Variants in COL21A1 observed in about 807,000 individuals in gnomAD.
The protein encoded by COL21A1 is collagen type XXI alpha 1 chain, also known as collagen alpha-1(XXI) chain.
In COL21A1, 149 loss-of-function variants were observed where a neutral mutation model predicts 137.9. The ratio of observed to expected loss-of-function variants is 1.08; its 90% CI spans 0.95 to 1.24. The LOEUF (loss-of-function observed/expected upper bound fraction) is 1.24, where lower values mean the gene tolerates loss of function less well. COL21A1 is among the 50% of genes most tolerant of loss of function. The probability of loss-of-function intolerance (pLI) is 0.00; values close to 1 mark genes in which losing one functional copy is unlikely to be tolerated. For missense variants in COL21A1, 1,167 were observed against 1,158.4 expected (o/e 1.01, Z -0.11); for synonymous variants, 456 against 391.5 (o/e 1.16, Z -1.95).
intron 27 of COL21A1, 46 bp from the exon 28 acceptor site, chr6:56,060,264 T>C (rs758851875): frequency 1.4e-6 from 2 of 1,410,588 alleles, no homozygotes; most frequent in South Asian, 2.7e-5. Flanking sequence ...AAATGGTGAG[T>C]TGGTGTTAAT....
chr6:56,158,271 T>TC (rs1159367637), intron 9 of COL21A1, among the ~76,000 whole-genome samples: 1,696 of 130,698 alleles, frequency 0.013, 25 homozygotes, highest in African/African-American at 0.048. Context: ...TTTTTCTTTT[T>TC]TTTTTTTTTT....
At chr6:56,315,630 C>T (rs930454952) in intron 1 of COL21A1, among the ~76,000 whole-genome samples, 8 of 111,350 alleles carry the variant, frequency 7.2e-5, no homozygotes, top group South Asian at 5.1e-4. Context: ...CCTTCTCTTC[C>T]GCCATCCCTC....
At position 56,341,478 on chromosome 6, in the gene COL21A1, G is replaced by A. The variant is rs192482980; in HGVS notation, c.-39+52493C>T. On this transcript the variant is annotated intron_variant, in intron 1 of 28. Transcript: ENST00000370819. Reference sequence around the variant, plus strand: ...ATGAAAGTAAAGAAGCCAGTCAGAAGACCAGAAGACCACACACTCTATGAT... The same window carrying A: ...ATGAAAGTAAAGAAGCCAGTCAGAAAACCAGAAGACCACACACTCTATGAT... Among the ~76,000 whole-genome samples the A allele has an allele frequency of 3.9e-4, 60 of 152,274 alleles. 1 individual carries two copies. In the East Asian group the frequency reaches 8.1e-3, roughly 21 times the overall value.
chr6:56,075,448 T>C, intron 19 of COL21A1, 31 bp downstream of exon 19: 1 of 1,525,660 alleles, frequency 6.6e-7, no homozygotes, highest in Admixed American at 2.1e-5. Context: ...TGCAAACACT[T>C]TGATGTATGA....
intron 1 of COL21A1, among the ~76,000 whole-genome samples, chr6:56,292,399 C>CG (rs969044371): frequency 7.9e-5 from 11 of 139,968 alleles, no homozygotes; most frequent in Admixed American, 1.5e-4. Flanking sequence ...GGACCCCCCC[C>CG]CTCCCCCGCC....
chr6:56,155,968 CTAAAGTGCTT>C (rs1267518334), intron 10 of COL21A1, among the ~76,000 whole-genome samples: 23 of 152,280 alleles, frequency 1.5e-4, no homozygotes, highest in African/African-American at 5.5e-4. Flanking sequence ...AAATATTTGC[CTAAAGTGCTT>C]TAAAGTTGAT....
chr6:56,350,049 GA>G (rs1348306872), intron 1 of COL21A1, among the ~76,000 whole-genome samples: 4 of 152,162 alleles, frequency 2.6e-5, no homozygotes, highest in African/African-American at 9.7e-5. Context: ...ACCAACTCCC[GA>G]AAGTCTGCTC....
intron 1 of COL21A1, among the ~76,000 whole-genome samples, chr6:56,284,722 T>C (rs9382606): frequency 0.17 from 25,127 of 151,300 alleles, 3,610 homozygotes; most frequent in East Asian, 0.63. Flanking sequence ...CTCATTACGC[T>C]GGCAATGAGA....
chr6:56,167,089 G>A, intron 6 of COL21A1, 106 bp from the exon 7 acceptor site: 1 of 759,630 alleles, frequency 1.3e-6, no homozygotes, highest in Admixed American at 2.3e-5. Context: ...AATTGTGTAA[G>A]GTTTACATCA....
At chr6:56,260,872 G>GTGTGTGTGTGTT (rs1763254797) in intron 1 of COL21A1, among the ~76,000 whole-genome samples, 1 of 141,066 alleles carries the variant, frequency 7.1e-6, no homozygotes, top group Non-Finnish European at 1.6e-5. Context: ...GTGTGTGTGT[G>GTGTGTGTGTGTT]TGTGTATGTG....
intron 20 of COL21A1, among the ~76,000 whole-genome samples, chr6:56,073,902 A>T (rs1181574320): frequency 1.3e-5 from 2 of 151,612 alleles, no homozygotes; most frequent in East Asian, 3.9e-4. Flanking sequence ...TCTTATTCAT[A>T]ACTATGAATG....
At chr6:56,080,184 A>C (rs1767625917) in intron 17 of COL21A1, among the ~76,000 whole-genome samples, 1 of 151,792 alleles carries the variant, frequency 6.6e-6, no homozygotes, top group South Asian at 2.1e-4. Flanking sequence ...TTTATAGAGC[A>C]AATGTGTTTC....
chr6:56,145,434 A>T (rs1361313207), intron 10 of COL21A1, among the ~76,000 whole-genome samples: 1 of 152,286 alleles, frequency 6.6e-6, no homozygotes, highest in Admixed American at 6.5e-5. Context: ...GGGGAATCCT[A>T]GGGCAAAACA....
chr6:56,374,054 T>G (rs1159454808), intron 1 of COL21A1, among the ~76,000 whole-genome samples: 1 of 152,200 alleles, frequency 6.6e-6, no homozygotes, highest in Non-Finnish European at 1.5e-5. Context: ...AGTGTGTACA[T>G]CAATCCAGGA....
chr6:56,172,736 GATATAAA>G (rs1225128398), intron 3 of COL21A1, among the ~76,000 whole-genome samples: 1 of 152,042 alleles, frequency 6.6e-6, no homozygotes, highest in Non-Finnish European at 1.5e-5. Context: ...TATGTTAACA[GATATAAA>G]ATATAAAAAG....
chr6:56,386,802 A>G (rs376574576), intron 1 of COL21A1, among the ~76,000 whole-genome samples: 14 of 152,330 alleles, frequency 9.2e-5, no homozygotes, highest in African/African-American at 3.4e-4. Flanking sequence ...TCCAGATTAA[A>G]TCTGATGACC....
chr6:56,175,280 G>A lies in COL21A1; in HGVS notation c.641-4152C>T, dbSNP rs191814936. 1.8e-4 allele frequency among the ~76,000 whole-genome samples: 28 copies of A among 152,134 alleles called. No homozygotes were observed. In the East Asian group the frequency reaches 4.4e-3, roughly 24 times the overall value. ...ACCACTTCTATTCAACATTGTACTAGCCAGAGGAATTAGGCAAGAAAAGAA... is the reference window on the plus strand; with the variant it reads ...ACCACTTCTATTCAACATTGTACTAACCAGAGGAATTAGGCAAGAAAAGAA... On this transcript the variant is annotated intron_variant, in intron 3 of 29. Coordinates refer to ENST00000244728, the MANE Select transcript of COL21A1 (RefSeq NM_030820.4).
At chr6:56,219,615 CA>C (rs1377135389) in intron 1 of COL21A1, among the ~76,000 whole-genome samples, 2 of 151,956 alleles carry the variant, frequency 1.3e-5, no homozygotes, top group Non-Finnish European at 2.9e-5. Context: ...CTGTTATTAA[CA>C]AAAAAATTGC....
chr6:56,153,380 T>C (rs1331681823), intron 10 of COL21A1, among the ~76,000 whole-genome samples: 3 of 152,180 alleles, frequency 2.0e-5, no homozygotes, highest in African/African-American at 7.2e-5. Flanking sequence ...AACCTGCCTA[T>C]GGATTTTCCT....
Sources: allele counts gnomAD v4.1 joint callset (sites outside exome capture counted in the v4.1 genomes callset), GRCh38; gene constraint gnomAD v4.1.1; transcripts MANE v1.5; gene names NCBI Gene and HGNC (gene_info 2026-07-23, HGNC 2026-07-21).